The following ALK variants were observed in gnomAD, a reference collection of about 807,000 sequenced individuals.
ALK encodes ALK receptor tyrosine kinase, also known as ALK tyrosine kinase receptor.
Under a neutral mutation model 163.1 loss-of-function variants are expected in ALK, and 74 were observed. The observed-to-expected ratio is 0.45, with a 90% CI of 0.38 to 0.55. The LOEUF (loss-of-function observed/expected upper bound fraction) is 0.55, where lower values mean the gene tolerates loss of function less well. Among genes scored for constraint, ALK ranks in the 20% least tolerant of loss-of-function variants. ALK has a pLI of 0.00. For synonymous variants in ALK, 960 were observed against 843.2 expected, an observed-to-expected ratio of 1.14 and a Z score of -2.40; for missense variants, 2,063 against 2,105.3, an observed-to-expected ratio of 0.98 and a Z score of 0.39.
At chr2:29,894,368 G>T (rs1050981899) in intron 1 of ALK, among the ~76,000 whole-genome samples, 2 of 152,040 alleles carry the variant, frequency 1.3e-5, no homozygotes, top group African/African-American at 4.8e-5. Flanking sequence ...TGAGATACTT[G>T]GGCAAGGGAC....
intron 9 of ALK, among the ~76,000 whole-genome samples, chr2:29,290,107 T>C (rs192680448): frequency 6.6e-6 from 1 of 152,300 alleles, no homozygotes; most frequent in Admixed American, 6.5e-5. Context: ...ATTTCATGCT[T>C]GGAAACCTTC....
At chr2:29,222,445 G>A (rs1254984739) in intron 21 of ALK, 37 bp from the exon 22 acceptor site, 8 of 1,613,054 alleles carry the variant, frequency 5.0e-6, no homozygotes, top group Non-Finnish European at 6.8e-6. Context: ...GGAGGAGGAG[G>A]CTGTGAGCTG....
rs202184478 is a variant in ALK at position 29,343,208 on chromosome 2, AAT to A, written c.1283-14729_1283-14728del. 1.9e-3 allele frequency among the ~76,000 whole-genome samples: 255 copies of A among 136,364 alleles called. 4 individuals carry two copies. In the East Asian group the frequency reaches 0.025, roughly 14 times the overall value. The allele number at this position is 136,364 out of a possible 152,430, so 89.5% of individuals were successfully genotyped here. A position where few individuals can be genotyped will look rare whatever the true frequency, so the allele number is the denominator to read the frequency against. ...GCCGATCTTTTTTTTAAAATTTAAAAATTTTTTTTTTTTTTTTTGAGACAGGG... is the reference window on the plus strand; with the variant it reads ...GCCGATCTTTTTTTTAAAATTTAAAATTTTTTTTTTTTTTTTGAGACAGGG... On this transcript the variant is annotated intron_variant, in intron 5 of 28. Coordinates refer to ENST00000389048, the MANE Select transcript of ALK (RefSeq NM_004304.5).
At chr2:29,217,025 G>T (rs551051791) in intron 23 of ALK, among the ~76,000 whole-genome samples, 1 of 145,006 alleles carries the variant, frequency 6.9e-6, no homozygotes, top group Non-Finnish European at 1.5e-5. Context: ...AGTGTATGTG[G>T]TATGTGTCTG....
intron 23 of ALK, among the ~76,000 whole-genome samples, chr2:29,219,836 C>T (rs1039559250): frequency 3.9e-5 from 6 of 152,204 alleles, no homozygotes; most frequent in Non-Finnish European, 8.8e-5. Flanking sequence ...CCTGGGTCCA[C>T]CCTGGGTATC....
chr2:29,668,270 T>C (rs1677578715), intron 3 of ALK, among the ~76,000 whole-genome samples: 1 of 152,062 alleles, frequency 6.6e-6, no homozygotes, highest in Admixed American at 6.6e-5. Context: ...CTCAGTTTCA[T>C]TTATTTCTGC....
chr2:29,784,027 A>C (rs1487135243), intron 1 of ALK, among the ~76,000 whole-genome samples: 1 of 152,210 alleles, frequency 6.6e-6, no homozygotes, highest in East Asian at 1.9e-4. Context: ...TAGAAGAAAG[A>C]ACAGGAATGC....
rs1213067837 is a variant in ALK, at chr2:29,758,005, CTTTT to C, written c.668-40312_668-40309del. Among the ~76,000 whole-genome samples, 429 of 104,984 alleles carry C rather than the reference CTTTT, an allele frequency of 4.1e-3. 2 individuals are homozygous for C. The highest frequency in any genetic ancestry group is 0.02 in the African/African-American group (408 of 20,610). 68.9% of individuals were successfully genotyped at this position (104,984 alleles called of 152,430 possible). On this transcript the variant is annotated intron_variant, in intron 1 of 28. Transcript: ENST00000389048. ...GATATTCACACCTTACCCGCATCCT[CTTTT>C]TTTTTTTTTTTTTTTTTTTGAGACA...
intron 1 of ALK, among the ~76,000 whole-genome samples, chr2:29,849,098 AC>A (rs1468374647): frequency 6.6e-6 from 1 of 151,152 alleles, no homozygotes; most frequent in Non-Finnish European, 1.5e-5. Flanking sequence ...ATCTCACAGG[AC>A]CCGCCTGCTC....
intron 9 of ALK, among the ~76,000 whole-genome samples, chr2:29,276,677 T>C (rs1193113694): frequency 2.0e-5 from 3 of 152,092 alleles, no homozygotes; most frequent in African/African-American, 7.2e-5. Flanking sequence ...AGACGTGCTA[T>C]AAAATGGATG....
intron 4 of ALK, among the ~76,000 whole-genome samples, chr2:29,524,900 T>C (rs753207344): frequency 6.6e-6 from 1 of 151,654 alleles, no homozygotes; most frequent in East Asian, 1.9e-4. Context: ...GGTAGATGGA[T>C]GGATGGATAG....
At chr2:29,526,014 G>A (rs758834514) in intron 4 of ALK, among the ~76,000 whole-genome samples, 3 of 152,078 alleles carry the variant, frequency 2.0e-5, no homozygotes, top group African/African-American at 4.8e-5. Flanking sequence ...TGGTACTTTG[G>A]GATCTATCTT....
chr2:29,767,977 GT>G (rs1352260336), intron 1 of ALK, among the ~76,000 whole-genome samples: 1 of 152,234 alleles, frequency 6.6e-6, no homozygotes, highest in African/African-American at 2.4e-5. Flanking sequence ...ACTTGTTACT[GT>G]CCGGGTGACA....
At chr2:29,713,903 C>T (rs193099118) in intron 2 of ALK, among the ~76,000 whole-genome samples, 2 of 151,464 alleles carry the variant, frequency 1.3e-5, no homozygotes, top group East Asian at 1.9e-4. Context: ...AACCTTTCAT[C>T]GTCCTGTTTA....
intron 4 of ALK, among the ~76,000 whole-genome samples, chr2:29,520,956 C>G (rs7562040): frequency 0.42 from 63,089 of 152,006 alleles, 15,042 homozygotes; most frequent in Non-Finnish European, 0.55. Context: ...CATGGGGCTT[C>G]CTGATGGCCA....
At chr2:29,205,222 A>C (rs1200018095) in intron 26 of ALK, among the ~76,000 whole-genome samples, 2 of 152,140 alleles carry the variant, frequency 1.3e-5, no homozygotes, top group African/African-American at 4.8e-5. Flanking sequence ...TGTTTCTTCA[A>C]GTTCCTTTTT....
At chr2:29,577,145 C>T (rs1377922132) in intron 3 of ALK, among the ~76,000 whole-genome samples, 3 of 152,050 alleles carry the variant, frequency 2.0e-5, no homozygotes, top group African/African-American at 4.8e-5. Context: ...GCATGGCACC[C>T]GCCTCGGGAG....
intron 4 of ALK, among the ~76,000 whole-genome samples, chr2:29,448,517 G>T (rs192216042): frequency 6.6e-6 from 1 of 152,276 alleles, no homozygotes; most frequent in East Asian, 1.9e-4. Flanking sequence ...CATTTGCACA[G>T]GTTGGGAAAT....
Position 29,387,797 on chromosome 2 carries a change from CCTT to C in ALK, c.1155-3941_1155-3939del, listed in dbSNP as rs1480449269. On this transcript the variant is annotated intron_variant, in intron 4 of 28. Transcript: ENST00000389048. Reference sequence around the variant, plus strand: ...CTGCAAAAAGACTCAGTTTCACCCTCCTTGGAGAAGTGAAGTCTTGCTCAAGGT... The same window carrying C: ...CTGCAAAAAGACTCAGTTTCACCCTCGGAGAAGTGAAGTCTTGCTCAAGGT... Among the ~76,000 whole-genome samples, 24 of 152,270 alleles carry C rather than the reference CCTT, an allele frequency of 1.6e-4. No individual in the cohort carries two copies. In the East Asian group the frequency reaches 4.1e-3, roughly 26 times the overall value.
Sources: gnomAD v4.1 joint callset for allele counts (sites outside exome capture counted in the v4.1 genomes callset) on GRCh38, gnomAD v4.1.1 for gene constraint, MANE v1.5 for transcripts, NCBI Gene and HGNC (gene_info 2026-07-23, HGNC 2026-07-21) for gene names.